CYP2C18: variants seen among roughly 807,000 people sequenced by gnomAD.
CYP2C18 encodes the protein cytochrome P450 family 2 subfamily C member 18.
Under a neutral mutation model 41.3 loss-of-function variants are expected in CYP2C18, and 38 were observed. The ratio of observed to expected loss-of-function variants is 0.92; its 90% confidence interval spans 0.71 to 1.21. The LOEUF (loss-of-function observed/expected upper bound fraction) is 1.21. Among genes scored for constraint, CYP2C18 ranks in the 50% most tolerant of loss-of-function variants. The pLI is 0.00. For missense variants in CYP2C18, 635 were observed against 591.4 expected (o/e 1.07, Z -0.77); for synonymous variants, 236 against 210.0 (o/e 1.12, Z -1.07).
chr10:94,692,855 G>C (rs1354463959), intron 3 of CYP2C18, among the ~76,000 whole-genome samples: 1 of 152,104 alleles, frequency 6.6e-6, no homozygotes, highest in African/African-American at 2.4e-5. Flanking sequence ...AAAATGATGA[G>C]TTCATGTCCT....
intron 7 of CYP2C18, among the ~76,000 whole-genome samples, chr10:94,728,822 GAAC>G (rs543418412): frequency 7.2e-4 from 109 of 151,832 alleles, no homozygotes; most frequent in Middle Eastern, 3.4e-3. Context: ...AACTGATACA[GAAC>G]AACAACTGAA....
At chr10:94,702,911 GT>G (rs1369433365) in intron 4 of CYP2C18, among the ~76,000 whole-genome samples, 1 of 152,130 alleles carries the variant, frequency 6.6e-6, no homozygotes, top group Non-Finnish European at 1.5e-5. Context: ...TTCGGATGGA[GT>G]TTTTGCATGG....
At chr10:94,722,379 T>G (rs1270029576) in intron 6 of CYP2C18, among the ~76,000 whole-genome samples, 1 of 152,160 alleles carries the variant, frequency 6.6e-6, no homozygotes, top group Non-Finnish European at 1.5e-5. Context: ...AGCCACACAC[T>G]TGTTTTTCTG....
intron 4 of CYP2C18, among the ~76,000 whole-genome samples, chr10:94,700,911 A>G (rs1847227902): frequency 6.6e-6 from 1 of 152,242 alleles, no homozygotes; most frequent in Non-Finnish European, 1.5e-5. Context: ...AAATCAAACC[A>G]CAATGAGATA....
chr10:94,698,942 C>T (rs55674471), intron 4 of CYP2C18, among the ~76,000 whole-genome samples: 3,849 of 152,246 alleles, frequency 0.025, 148 homozygotes, highest in African/African-American at 0.075. Context: ...GAAGTTGAAT[C>T]CCTGAATAGA....
At chr10:94,715,490 A>G (rs1417974720) in intron 5 of CYP2C18, among the ~76,000 whole-genome samples, 1 of 152,092 alleles carries the variant, frequency 6.6e-6, no homozygotes, top group Non-Finnish European at 1.5e-5. Flanking sequence ...ACATTTATTG[A>G]TTTGCATATA....
intron 1 of CYP2C18, among the ~76,000 whole-genome samples, chr10:94,685,291 C>G (rs1846866161): frequency 6.6e-6 from 1 of 152,072 alleles, no homozygotes; most frequent in South Asian, 2.1e-4. Flanking sequence ...ACCTTTGTCT[C>G]TCAAAGTGCT....
chr10:94,711,878 A>G (rs1053509272), intron 5 of CYP2C18, among the ~76,000 whole-genome samples: 1 of 150,956 alleles, frequency 6.6e-6, no homozygotes, highest in African/African-American at 2.4e-5. Context: ...ATCTTGCCCC[A>G]TTGCCCAGGC....
At position 94,724,473 on chromosome 10, in the gene CYP2C18, C is replaced by A; in HGVS notation, c.1089C>A (p.Pro363=). ...HEIQRYIDLL[P]TNLPHAVTCD... ...TCCAGAGATACATTGACCTCCTCCC[C>A]ACCAACCTGCCCCATGCAGTGACCT... The change falls in exon 7 of 9, where the codon CCC becomes CCA. Residue 363 remains proline, a synonymous_variant. Transcript: ENST00000285979. The A allele has an allele frequency of 6.2e-7, 1 of 1,613,620 alleles. No homozygotes were observed. Among genetic ancestry groups the A allele is most frequent in the Non-Finnish European group, 8.5e-7 (1 of 1,179,738 alleles).
intron 3 of CYP2C18, among the ~76,000 whole-genome samples, chr10:94,692,225 G>A (rs1032161121): frequency 5.3e-5 from 8 of 151,890 alleles, no homozygotes; most frequent in African/African-American, 1.9e-4. Flanking sequence ...ACCACCATGA[G>A]AATGAACAAG....
At chr10:94,711,236 C>T (rs77481646) in intron 5 of CYP2C18, among the ~76,000 whole-genome samples, 203 of 152,110 alleles carry the variant, frequency 1.3e-3, no homozygotes, top group African/African-American at 4.3e-3. Flanking sequence ...CATTCCTGTG[C>T]TTGTTTACTA....
intron 8 of CYP2C18, 100 bp downstream of exon 8, chr10:94,733,538 G>C: frequency 6.4e-7 from 1 of 1,556,148 alleles, no homozygotes. Context: ...TGGCTGAATT[G>C]CTTTGCAGAT....
intron 8 of CYP2C18, among the ~76,000 whole-genome samples, chr10:94,734,008 A>G (rs975723985): frequency 1.3e-5 from 2 of 152,060 alleles, no homozygotes; most frequent in Non-Finnish European, 2.9e-5. Flanking sequence ...CTGCTCATTC[A>G]TAGGCCATAC....
chr10:94,685,876 G>T (rs1241286164), intron 1 of CYP2C18, among the ~76,000 whole-genome samples: 2 of 151,964 alleles, frequency 1.3e-5, no homozygotes, highest in African/African-American at 4.8e-5. Context: ...GTTATTTGGG[G>T]TCTTTTGTGG....
intron 4 of CYP2C18, among the ~76,000 whole-genome samples, chr10:94,697,999 C>T (rs12773527): frequency 0.17 from 25,990 of 151,920 alleles, 2,394 homozygotes; most frequent in South Asian, 0.33. Flanking sequence ...TAGAGACCTA[C>T]GAAGAGACTT....
chr10:94,728,711 C>T (rs759720195), intron 7 of CYP2C18: 3 of 504,830 alleles, frequency 5.9e-6, no homozygotes, highest in African/African-American at 4.2e-5. Context: ...TTTAAAAAAC[C>T]CTATGAACAG....
intron 6 of CYP2C18, 139 bp downstream of exon 6, chr10:94,720,676 A>T: frequency 9.8e-6 from 8 of 815,710 alleles, no homozygotes; most frequent in Non-Finnish European, 1.5e-5. Flanking sequence ...TTGTCTAAAT[A>T]TGATGAAGGG....
At chr10:94,710,812 C>T (rs1355442169) in intron 5 of CYP2C18, among the ~76,000 whole-genome samples, 1 of 152,144 alleles carries the variant, frequency 6.6e-6, no homozygotes, top group East Asian at 1.9e-4. Flanking sequence ...TGGTTGATTA[C>T]ATAATATTAG....
intron 4 of CYP2C18, among the ~76,000 whole-genome samples, chr10:94,705,502 C>T (rs1324187852): frequency 2.6e-5 from 4 of 152,184 alleles, no homozygotes; most frequent in Admixed American, 1.3e-4. Context: ...TGCACGTGCA[C>T]CTTGGAGCTT....
Sources: gnomAD v4.1 joint callset for allele counts (sites outside exome capture counted in the v4.1 genomes callset) on GRCh38, gnomAD v4.1.1 for gene constraint, MANE v1.5 for transcripts, NCBI Gene and HGNC (gene_info 2026-07-23, HGNC 2026-07-21) for gene names.